The following ZNF469 variants were observed in gnomAD, a reference collection of about 807,000 sequenced individuals.
The protein encoded by ZNF469 is zinc finger protein 469.
In ZNF469, 1 loss-of-function variant was observed where a neutral mutation model predicts 1.0. The ratio of observed to expected loss-of-function variants is 1.00; its 90% CI spans 0.35 to 4.73. ZNF469 has a LOEUF of 4.73. ZNF469 is among the 30% of genes most tolerant of loss of function. The probability of loss-of-function intolerance (pLI) is 0.16; values close to 1 mark genes in which losing one functional copy is unlikely to be tolerated. For missense variants in ZNF469, 6,100 were observed against 5,356.3 expected, an observed-to-expected ratio of 1.14 and a Z score of -4.33; for synonymous variants, 2,703 against 2,363.4, an observed-to-expected ratio of 1.14 and a Z score of -4.17.
At chr16:88,344,282 G>A in the ZNF469 span, among the ~76,000 whole-genome samples, 12 of 152,200 alleles carry the variant, frequency 7.9e-5, no homozygotes, top group East Asian at 5.8e-4. Context: ...CGAACAAAGC[G>A]TGGACTTCAG....
the ZNF469 span, among the ~76,000 whole-genome samples, chr16:88,147,343 T>C: frequency 6.6e-6 from 1 of 152,188 alleles, no homozygotes; most frequent in Admixed American, 6.5e-5. Context: ...CGTCGACCTC[T>C]GACCTTCAGC....
the ZNF469 span, among the ~76,000 whole-genome samples, chr16:88,153,210 C>A: frequency 6.6e-6 from 1 of 152,222 alleles, no homozygotes; most frequent in African/African-American, 2.4e-5. Context: ...AGGTGGGGGG[C>A]TGAATGGCTG....
chr16:88,279,024 T>TGC, the ZNF469 span, among the ~76,000 whole-genome samples: 1 of 151,636 alleles, frequency 6.6e-6, no homozygotes, highest in African/African-American at 2.4e-5. Context: ...TCATTAGTGC[T>TGC]GTACCACGCC....
the ZNF469 span, among the ~76,000 whole-genome samples, chr16:88,332,756 C>T: frequency 6.6e-6 from 1 of 152,138 alleles, no homozygotes; most frequent in African/African-American, 2.4e-5. Context: ...GCCCCCAGCA[C>T]CACTGCTCAG....
At chr16:88,144,894 G>C in the ZNF469 span, among the ~76,000 whole-genome samples, 1 of 151,520 alleles carries the variant, frequency 6.6e-6, no homozygotes, top group African/African-American at 2.4e-5. Flanking sequence ...CTGTAGCCCA[G>C]GCTGGAGTGC....
chr16:88,337,705 C>G, the ZNF469 span, among the ~76,000 whole-genome samples: 28 of 152,316 alleles, frequency 1.8e-4, no homozygotes, highest in South Asian at 4.1e-4. Flanking sequence ...TCTGGCCACC[C>G]CACGGGCGTC....
At chr16:88,263,761 C>T in the ZNF469 span, among the ~76,000 whole-genome samples, 3 of 152,276 alleles carry the variant, frequency 2.0e-5, no homozygotes, top group African/African-American at 7.2e-5. Flanking sequence ...CAGACACCGC[C>T]TCTCCCATCC....
At chr16:88,285,802 C>T in the ZNF469 span, among the ~76,000 whole-genome samples, 1 of 152,224 alleles carries the variant, frequency 6.6e-6, no homozygotes, top group Non-Finnish European at 1.5e-5. Context: ...TCTGCTGCTT[C>T]CCAGGCCACC....
the ZNF469 span, among the ~76,000 whole-genome samples, chr16:88,164,015 AGATGGATGAATGGATG>A: frequency 1.4e-5 from 2 of 147,742 alleles, no homozygotes; most frequent in Non-Finnish European, 3.0e-5. Context: ...ATGGATGGGT[AGATGGATGAATGGATG>A]GATGGATGAA....
the ZNF469 span, among the ~76,000 whole-genome samples, chr16:88,360,112 C>T: frequency 6.6e-6 from 1 of 152,158 alleles, no homozygotes; most frequent in African/African-American, 2.4e-5. Flanking sequence ...CCTCGGCCTC[C>T]CAAAGTGCTG....
chr16:88,432,081 C>T lies in ZNF469; in HGVS notation c.4611C>T (p.Gly1537=), dbSNP rs775651401. ...CCCCTGAACGGACAGTGGTTCCCGG[C>T]GCCGCCCCATCTTTGCCTGGGAAGG... ...TCPPERTVVP[G]AAPSLPGKGS... Residue 1537 remains glycine (G), a synonymous_variant, in exon 3 of 3, where the codon GGC becomes GGT. Coordinates refer to ENST00000565624, the MANE Select transcript of ZNF469 (RefSeq NM_001367624.2). The T allele has an allele frequency of 7.7e-6, 12 of 1,550,400 alleles. No homozygotes were observed. The Admixed American group carries it at 9.8e-5, about 13-fold the overall frequency.
the ZNF469 span, among the ~76,000 whole-genome samples, chr16:88,158,519 C>G: frequency 6.6e-6 from 1 of 151,670 alleles, no homozygotes; most frequent in East Asian, 2.0e-4. Context: ...AACTTGGGCA[C>G]ATGCCTGCCT....
At chr16:88,144,673 C>T in the ZNF469 span, among the ~76,000 whole-genome samples, 448 of 152,288 alleles carry the variant, frequency 2.9e-3, 2 homozygotes, top group African/African-American at 0.01. Flanking sequence ...TGTGGCCCAG[C>T]GAAATCCTGA....
chr16:88,353,863 T>G, the ZNF469 span, among the ~76,000 whole-genome samples: 1 of 152,200 alleles, frequency 6.6e-6, no homozygotes, highest in South Asian at 2.1e-4. Flanking sequence ...GAAGCTCTCC[T>G]GGAGCTTCCG....
the ZNF469 span, among the ~76,000 whole-genome samples, chr16:88,133,569 A>G: frequency 0.031 from 4,770 of 151,836 alleles, no homozygotes; most frequent in African/African-American, 0.11. Context: ...GATTTAACCA[A>G]TAAGTTCAAT....
the ZNF469 span, among the ~76,000 whole-genome samples, chr16:88,251,536 GTCTTTTTTT>G: frequency 3.8e-5 from 3 of 78,812 alleles, no homozygotes; most frequent in Non-Finnish European, 7.0e-5. Flanking sequence ...TGTCCCTGCT[GTCTTTTTTT>G]TTTTTTTTTT....
At chr16:88,173,561 G>C in the ZNF469 span, among the ~76,000 whole-genome samples, 2 of 152,134 alleles carry the variant, frequency 1.3e-5, no homozygotes, top group Admixed American at 1.3e-4. Context: ...ACACAAATCA[G>C]TGAAGAGTAA....
intron 1 of ZNF469, among the ~76,000 whole-genome samples, chr16:88,422,829 T>TG (rs1274635135): frequency 7.8e-6 from 1 of 128,194 alleles, no homozygotes; most frequent in Non-Finnish European, 1.6e-5. Flanking sequence ...GGTGGGTGGG[T>TG]GATGGATGGG....
chr16:88,164,517 ATGTG>A, the ZNF469 span, among the ~76,000 whole-genome samples: 1 of 152,238 alleles, frequency 6.6e-6, no homozygotes, highest in Middle Eastern at 3.4e-3. Context: ...GAGCAGATGA[ATGTG>A]TGGGTGGATG....
Sources: allele counts gnomAD v4.1 joint callset (sites outside exome capture counted in the v4.1 genomes callset), GRCh38; gene constraint gnomAD v4.1.1; transcripts MANE v1.5; gene names NCBI Gene and HGNC (gene_info 2026-07-23, HGNC 2026-07-21).